DMXL1: variants seen among roughly 807,000 people sequenced by gnomAD.
DMXL1 encodes the protein Dmx like 1.
DMXL1 carries 99 observed loss-of-function variants against 319.2 expected under a neutral mutation model. The observed-to-expected ratio is 0.31, with a 90% CI of 0.26 to 0.37. The LOEUF is 0.37. Among genes scored for constraint, DMXL1 ranks in the 10% least tolerant of loss-of-function variants. The pLI, the probability that DMXL1 is intolerant of heterozygous loss-of-function variation, is 1.00. For missense variants in DMXL1, 3,745 were observed against 3,595.6 expected (o/e 1.04, Z -1.06); for synonymous variants, 1,385 against 1,235.2 (o/e 1.12, Z -2.54).
chr5:119,138,499 T>C (rs1766543198), intron 13 of DMXL1, among the ~76,000 whole-genome samples: 1 of 152,028 alleles, frequency 6.6e-6, no homozygotes, highest in Non-Finnish European at 1.5e-5. Context: ...AAATTTGAAG[T>C]TGTGGAAGTG....
At chr5:119,194,353 C>T (rs988992226) in intron 30 of DMXL1, among the ~76,000 whole-genome samples, 8 of 152,158 alleles carry the variant, frequency 5.3e-5, no homozygotes, top group Non-Finnish European at 1.0e-4. Context: ...AATATATTTT[C>T]AGTAGAACAC....
At chr5:119,120,568 ATTAT>A (rs1167675515) in intron 8 of DMXL1, among the ~76,000 whole-genome samples, 1 of 152,270 alleles carries the variant, frequency 6.6e-6, no homozygotes, top group African/African-American at 2.4e-5. Flanking sequence ...CAGTGGTAAT[ATTAT>A]TTAATACTGT....
intron 34 of DMXL1, 43 bp downstream of exon 34, chr5:119,206,939 C>A (rs997462915): frequency 1.7e-6 from 2 of 1,198,094 alleles, no homozygotes; most frequent in Admixed American, 2.1e-5. Flanking sequence ...TGCATTCTTT[C>A]ACAAAAGAAC....
At chr5:119,230,512 A>G (rs1164726291) in intron 38 of DMXL1, among the ~76,000 whole-genome samples, 3 of 152,258 alleles carry the variant, frequency 2.0e-5, no homozygotes, top group Non-Finnish European at 4.4e-5. Context: ...ACATACAGGC[A>G]GAAGCAGATT....
At chr5:119,241,179 C>A (rs1044173518) in intron 42 of DMXL1, among the ~76,000 whole-genome samples, 1 of 152,084 alleles carries the variant, frequency 6.6e-6, no homozygotes, top group African/African-American at 2.4e-5. Context: ...TGAGTACATA[C>A]AGTAGTGTAC....
At position 119,171,545 on chromosome 5, in the gene DMXL1, T is replaced by C. The variant is rs532186332; in HGVS notation, c.6490-233T>C. On this transcript the variant is annotated intron_variant, in intron 24 of 43. Transcript: ENST00000539542. ...CCTTTGTAGGGTGACAGACTTCTTA[T>C]TGCAAGAGGATATTGTCTTATTTTT... Among the ~76,000 whole-genome samples the C allele has an allele frequency of 1.1e-4, 16 of 151,212 alleles. 1 individual carries two copies. In the South Asian group the frequency reaches 3.4e-3, roughly 32 times the overall value.
At chr5:119,244,765 T>A (rs916251049) in intron 43 of DMXL1, among the ~76,000 whole-genome samples, 189 bp downstream of exon 43, 3 of 152,254 alleles carry the variant, frequency 2.0e-5, no homozygotes, top group Admixed American at 2.0e-4. Flanking sequence ...ATTTTTCAGT[T>A]GTTTGAAAAT....
chr5:119,193,990 A>G lies in DMXL1; in HGVS notation c.7457+20A>G. On this transcript the variant is annotated intron_variant, in intron 30 of 43. Coordinates refer to ENST00000539542, the MANE Select transcript of DMXL1 (RefSeq NM_001290321.3). ...ATATAGGTATGGTATATTTTATTTT[A>G]AATTTCTTTTTAAAAATAATGGTGT... 1 of 1,458,046 alleles carries G rather than the reference A, an allele frequency of 6.9e-7. No individual in the cohort carries two copies. The highest frequency in any genetic ancestry group is 9.1e-7 in the Non-Finnish European group (1 of 1,094,510). The allele number at this position is 1,458,046 out of a possible 1,614,324, so 90.3% of individuals were successfully genotyped here. A position where few individuals can be genotyped will look rare whatever the true frequency, so the allele number is the denominator to read the frequency against.
chr5:119,212,032 A>C (rs1782891237), intron 34 of DMXL1, among the ~76,000 whole-genome samples: 1 of 152,220 alleles, frequency 6.6e-6, no homozygotes, highest in South Asian at 2.1e-4. Context: ...CAGTTTCTGC[A>C]TAATTCCTTT....
At chr5:119,159,663 C>T (rs767680896) in intron 19 of DMXL1, among the ~76,000 whole-genome samples, 7 of 152,140 alleles carry the variant, frequency 4.6e-5, no homozygotes, top group Non-Finnish European at 1.0e-4. Context: ...CTTGCTCTGT[C>T]GCCCAGGCTG....
intron 30 of DMXL1, 64 bp downstream of exon 30, chr5:119,194,034 A>G: frequency 8.6e-7 from 1 of 1,158,152 alleles, no homozygotes; most frequent in South Asian, 2.0e-5. Flanking sequence ...AATATTTTTG[A>G]AAAAATTACA....
At chr5:119,226,580 A>G (rs1486605889) in intron 38 of DMXL1, among the ~76,000 whole-genome samples, 1 of 152,136 alleles carries the variant, frequency 6.6e-6, no homozygotes, top group African/African-American at 2.4e-5. Context: ...CACCTCTCCA[A>G]GTACTGGCTG....
At chr5:119,219,560 A>ATTTATTTATTTATTTATTTATTTATTT (rs200458602) in intron 35 of DMXL1, among the ~76,000 whole-genome samples, 2 of 151,018 alleles carry the variant, frequency 1.3e-5, no homozygotes, top group African/African-American at 4.9e-5. Context: ...ACATTTAATT[A>ATTTATTTATTTATTTATTTATTTATTT]ATTAATTAAT....
chr5:119,139,297 A>C (rs993343585), intron 13 of DMXL1, among the ~76,000 whole-genome samples: 9 of 152,228 alleles, frequency 5.9e-5, no homozygotes, highest in African/African-American at 2.2e-4. Context: ...CCTTGAATGT[A>C]AACAGGCTTA....
chr5:119,190,019 A>G (rs1778427425), intron 29 of DMXL1, 133 bp downstream of exon 29: 1 of 740,204 alleles, frequency 1.4e-6, no homozygotes, highest in East Asian at 2.7e-5. Context: ...GTATCAGGCT[A>G]CATTCCAAAA....
At chr5:119,094,841 C>G (rs1391420593) in intron 1 of DMXL1, among the ~76,000 whole-genome samples, 3 of 151,144 alleles carry the variant, frequency 2.0e-5, no homozygotes, top group East Asian at 3.9e-4. Context: ...TAACTGCAGA[C>G]TTGCACAATC....
At chr5:119,203,033 A>C (rs1359120459) in intron 32 of DMXL1, among the ~76,000 whole-genome samples, 1 of 151,638 alleles carries the variant, frequency 6.6e-6, no homozygotes, top group Non-Finnish European at 1.5e-5. Flanking sequence ...AAACATATGA[A>C]ATTCAAAATA....
chr5:119,178,236 C>T lies in DMXL1; in HGVS notation c.7127C>T (p.Thr2376Ile), dbSNP rs746904029. 1.2e-5 allele frequency: 20 copies of T among 1,612,358 alleles called. No individual in the cohort carries two copies. The highest frequency in any genetic ancestry group is 1.7e-4 in the Middle Eastern group (1 of 6,050). ...VPSKEQTHSKTLPVSSLVEEG... is the reference protein window; with the variant it reads ...VPSKEQTHSKILPVSSLVEEG... ...AGCAAAGAACAGACACATTCAAAAACTTTACCTGGTGAGTTTAAAAAATTT... is the reference window on the plus strand; with the variant it reads ...AGCAAAGAACAGACACATTCAAAAATTTTACCTGGTGAGTTTAAAAAATTT... Residue 2376 changes from threonine to isoleucine, a missense_variant, in exon 28 of 44, where the codon ACT becomes ATT. By Grantham distance (89) the Thr-to-Ile change is moderately conservative. Coordinates refer to ENST00000539542, the MANE Select transcript of DMXL1 (RefSeq NM_001290321.3).
chr5:119,132,692 G>A (rs114228328), intron 10 of DMXL1: 4,917 of 437,704 alleles, frequency 0.011, 203 homozygotes, highest in African/African-American at 0.094. Flanking sequence ...AAAAAAAAAT[G>A]GAGCAAGTCC....
Sources: gnomAD v4.1 joint callset for allele counts (sites outside exome capture counted in the v4.1 genomes callset) on GRCh38, gnomAD v4.1.1 for gene constraint, MANE v1.5 for transcripts, NCBI Gene and HGNC (gene_info 2026-07-23, HGNC 2026-07-21) for gene names.